The following RBP2 variants were observed in gnomAD, a reference collection of about 807,000 sequenced individuals.
The protein encoded by RBP2 is retinol binding protein 2.
In RBP2, 17 loss-of-function variants were observed where a neutral mutation model predicts 17.0. The observed-to-expected ratio is 1.00, with a 90% CI of 0.68 to 1.50. The LOEUF (loss-of-function observed/expected upper bound fraction) is 1.50. Ranked by LOEUF, RBP2 falls within the 40% of genes most tolerant of loss-of-function variation. The pLI, the probability that RBP2 is intolerant of heterozygous loss-of-function variation, is 0.00. For synonymous variants in RBP2, 48 were observed against 57.1 expected (o/e 0.84, Z 0.72); for missense variants, 158 against 168.2 (o/e 0.94, Z 0.33).
At chr3:139,453,663 AGCCGACAAGGTCCC>A (rs2107863336) in intron 3 of RBP2, among the ~76,000 whole-genome samples, 1 of 152,330 alleles carries the variant, frequency 6.6e-6, no homozygotes, top group South Asian at 2.1e-4. Context: ...TTGCCTGTGC[AGCCGACAAGGTCCC>A]GCTTTTCATC....
intron 2 of RBP2, among the ~76,000 whole-genome samples, chr3:139,457,356 G>T (rs1218738986): frequency 6.6e-6 from 1 of 152,212 alleles, no homozygotes; most frequent in Non-Finnish European, 1.5e-5. Flanking sequence ...GAAGGCAGGA[G>T]AGGGCGTCTG....
intron 1 of RBP2, chr3:139,466,427 G>T (rs1933367622): frequency 1.3e-5 from 2 of 152,184 alleles, no homozygotes; most frequent in South Asian, 4.1e-4. Context: ...CTTAAAAAAT[G>T]AACCCTTCCT....
At chr3:139,459,833 AGTGTGT>A (rs56943288) in intron 2 of RBP2, among the ~76,000 whole-genome samples, 13,408 of 134,038 alleles carry the variant, frequency 0.1, 628 homozygotes, top group Middle Eastern at 0.17. Context: ...GGTGTGTGTG[AGTGTGT>A]GTGTGTGTGT....
At chr3:139,458,846 T>A (rs760846000) in intron 2 of RBP2, among the ~76,000 whole-genome samples, 1 of 152,206 alleles carries the variant, frequency 6.6e-6, no homozygotes, top group African/African-American at 2.4e-5. Context: ...TGCTTATTTT[T>A]AATTTTATTT....
intron 1 of RBP2, among the ~76,000 whole-genome samples, chr3:139,474,703 A>G (rs1216478386): frequency 6.6e-6 from 1 of 152,164 alleles, no homozygotes; most frequent in Non-Finnish European, 1.5e-5. Context: ...CCAAAAGGTT[A>G]AAAAACTGGT....
chr3:139,468,442 G>A (rs1291355990), intron 1 of RBP2, among the ~76,000 whole-genome samples: 1 of 152,150 alleles, frequency 6.6e-6, no homozygotes, highest in Non-Finnish European at 1.5e-5. Context: ...CAGTGCCGGG[G>A]GAATCTTATT....
chr3:139,464,149 A>T (rs1933283943), intron 1 of RBP2, among the ~76,000 whole-genome samples: 1 of 151,902 alleles, frequency 6.6e-6, no homozygotes, highest in South Asian at 2.1e-4. Context: ...TTCCTTTCTG[A>T]CCCATTTCCT....
intron 2 of RBP2, among the ~76,000 whole-genome samples, chr3:139,455,737 T>C (rs1943382749): frequency 6.6e-6 from 1 of 152,136 alleles, no homozygotes; most frequent in Non-Finnish European, 1.5e-5. Context: ...TGCCTTCTTA[T>C]CCAGAACCAG....
chr3:139,463,556 G>A (rs978835), intron 1 of RBP2, among the ~76,000 whole-genome samples: 95,441 of 152,120 alleles, frequency 0.63, 32,647 homozygotes, highest in East Asian at 0.96. Flanking sequence ...GAAACAAACC[G>A]AAGGAGTGTT....
chr3:139,462,558 A>AACACACACACACACACACACAC (rs59601422), intron 1 of RBP2, among the ~76,000 whole-genome samples: 3,267 of 121,226 alleles, frequency 0.027, 169 homozygotes, highest in African/African-American at 0.051. Context: ...GCAGCTCCCC[A>AACACACACACACACACACACAC]ACACACACAC....
rs763679884 is a variant in RBP2, at chr3:139,453,112, G to C, written c.*4C>G. On this transcript the variant is annotated 3_prime_UTR_variant, in exon 4 of 4. Transcript: ENST00000232217. ...TTGTGCTTGGCAGGCCTCCCACGTC[G>C]CCATCATTTCTTTTTGAACACTTGA... 6.2e-7 allele frequency: 1 copy of C among 1,613,934 alleles called. No homozygotes were observed. The highest frequency in any genetic ancestry group is 2.2e-5 in the East Asian group (1 of 44,886).
intron 1 of RBP2, among the ~76,000 whole-genome samples, chr3:139,467,240 A>G (rs1008348486): frequency 4.6e-5 from 7 of 152,236 alleles, no homozygotes; most frequent in African/African-American, 1.7e-4. Flanking sequence ...CAGCAGCATT[A>G]GCACCTGGGA....
intron 2 of RBP2, among the ~76,000 whole-genome samples, chr3:139,458,421 C>G (rs1036505092): frequency 1.3e-5 from 2 of 152,160 alleles, no homozygotes; most frequent in African/African-American, 2.4e-5. Flanking sequence ...CCTGCTTTTC[C>G]CTGCCCTTAC....
intron 2 of RBP2, among the ~76,000 whole-genome samples, chr3:139,459,212 C>T (rs1019482515): frequency 2.0e-5 from 3 of 152,106 alleles, no homozygotes; most frequent in Non-Finnish European, 1.5e-5. Context: ...CACACTCCCA[C>T]ACGTGTATAG....
At chr3:139,474,207 C>G (rs1418921471) in intron 1 of RBP2, among the ~76,000 whole-genome samples, 1 of 152,296 alleles carries the variant, frequency 6.6e-6, no homozygotes, top group East Asian at 1.9e-4. Context: ...ATCACATTCA[C>G]AACTTGTGAG....
At chr3:139,458,588 A>G (rs745472850) in intron 2 of RBP2, among the ~76,000 whole-genome samples, 8 of 152,210 alleles carry the variant, frequency 5.3e-5, no homozygotes, top group Non-Finnish European at 7.3e-5. Context: ...TCACGCCCCA[A>G]AAGGAACCCC....
chr3:139,476,510 G>T lies in RBP2; in HGVS notation c.-51C>A. 1 of 1,529,116 alleles carries T rather than the reference G, an allele frequency of 6.5e-7. No individual in the cohort carries two copies. The highest frequency in any genetic ancestry group is 9.1e-7 in the Non-Finnish European group (1 of 1,103,494). The allele number at this position is 1,529,116 out of a possible 1,614,324, so 94.7% of individuals were successfully genotyped here. A position where few individuals can be genotyped will look rare whatever the true frequency, so the allele number is the denominator to read the frequency against. On this transcript the variant is annotated 5_prime_UTR_variant, in exon 1 of 4. Coordinates refer to ENST00000232217, the MANE Select transcript of RBP2 (RefSeq NM_004164.3). ...GTTTGTGGTGGATGGCAAGGAGCAG[G>T]CTGCAGGGAGAATACACTGGAATGA...
At chr3:139,460,710 G>C (rs1214981069) in intron 2 of RBP2, among the ~76,000 whole-genome samples, 1 of 152,162 alleles carries the variant, frequency 6.6e-6, no homozygotes. Flanking sequence ...GGGCAGGGCA[G>C]AGGGTGTTGC....
At position 139,462,124 on chromosome 3, in the gene RBP2, G is replaced by A; in HGVS notation, c.240C>T (p.Asn80=). The part of the protein sequence containing the change: ...EFDEYTKSLD[N]RHVKALVTWE... ...CCCCGGTCAGTACCTTAACATGCCG[G>A]TTATCCAGGCTCTTTGTGTACTCGT... Residue 80 remains asparagine (N), a synonymous_variant, in exon 2 of 4, where the codon AAC becomes AAT. Coordinates refer to ENST00000232217, the MANE Select transcript of RBP2 (RefSeq NM_004164.3). 1 of 1,614,024 alleles carries A rather than the reference G, an allele frequency of 6.2e-7. No homozygotes were observed. The highest frequency in any genetic ancestry group is 8.5e-7 in the Non-Finnish European group (1 of 1,180,022).
Sources: allele counts gnomAD v4.1 joint callset (sites outside exome capture counted in the v4.1 genomes callset), GRCh38; gene constraint gnomAD v4.1.1; transcripts MANE v1.5; gene names NCBI Gene and HGNC (gene_info 2026-07-23, HGNC 2026-07-21).